The following ZFHX3 variants were observed in gnomAD, a reference collection of about 807,000 sequenced individuals.
The protein encoded by ZFHX3 is zinc finger homeobox 3.
In ZFHX3, 42 loss-of-function variants were observed where a neutral mutation model predicts 279.1. The ratio of observed to expected loss-of-function variants is 0.15; its 90% CI spans 0.12 to 0.19. The LOEUF (loss-of-function observed/expected upper bound fraction) is 0.19. ZFHX3 is among the 10% of genes least tolerant of loss of function. The pLI, the probability that ZFHX3 is intolerant of heterozygous loss-of-function variation, is 1.00. For missense variants in ZFHX3, 4,981 were observed against 4,754.0 expected, an observed-to-expected ratio of 1.05 and a Z score of -1.40; for synonymous variants, 2,293 against 1,957.8, an observed-to-expected ratio of 1.17 and a Z score of -4.52.
At position 73,792,767 on chromosome 16, in the gene ZFHX3, C is replaced by A. The variant is rs539312236; in HGVS notation, c.-1608+98884G>T. Among the ~76,000 whole-genome samples, 4 of 152,120 alleles carry A rather than the reference C, an allele frequency of 2.6e-5. No individual in the cohort carries two copies. The South Asian group carries it at 8.3e-4, about 32-fold the overall frequency. The stretch of plus-strand genomic sequence containing the variant: ...AAGGCTGGCGGCTCAAGGGTTAATA[C>A]CAACCTTTTTCTTTGAAGGCAGCCT... On this transcript the variant is annotated intron_variant, in intron 1 of 17. Transcript: ENST00000641206.
At chr16:73,735,472 C>G (rs191283) in intron 1 of ZFHX3, among the ~76,000 whole-genome samples, 89 of 151,448 alleles carry the variant, frequency 5.9e-4, no homozygotes, top group African/African-American at 1.8e-3. Context: ...TATGACTACT[C>G]TAGGTATCTC....
At chr16:73,296,700 G>C (rs1165986131) in intron 4 of ZFHX3, among the ~76,000 whole-genome samples, 1 of 152,002 alleles carries the variant, frequency 6.6e-6, no homozygotes, top group Non-Finnish European at 1.5e-5. Context: ...CATGGTTACA[G>C]GTAGATTCTT....
At chr16:73,482,050 T>C (rs1382709327) in intron 2 of ZFHX3, among the ~76,000 whole-genome samples, 1 of 152,142 alleles carries the variant, frequency 6.6e-6, no homozygotes, top group Non-Finnish European at 1.5e-5. Flanking sequence ...CTGAATATCC[T>C]TTGTAAATAA....
intron 3 of ZFHX3, among the ~76,000 whole-genome samples, chr16:73,406,872 T>C (rs12102451): frequency 0.47 from 70,894 of 152,082 alleles, 20,498 homozygotes; most frequent in African/African-American, 0.8. Context: ...GAGCTTTGGC[T>C]GGGGCTGGTT....
At chr16:73,438,211 G>T (rs1567484191) in intron 3 of ZFHX3, among the ~76,000 whole-genome samples, 1 of 152,178 alleles carries the variant, frequency 6.6e-6, no homozygotes, top group African/African-American at 2.4e-5. Context: ...TAGCTCCAGA[G>T]AATTTCAGCT....
At chr16:72,978,191 T>C (rs1962435721) in intron 1 of ZFHX3, among the ~76,000 whole-genome samples, 1 of 152,190 alleles carries the variant, frequency 6.6e-6, no homozygotes, top group South Asian at 2.1e-4. Context: ...TCTAAGGAAC[T>C]CTTTCCCGAG....
At chr16:73,223,468 A>G (rs1047744691) in intron 5 of ZFHX3, among the ~76,000 whole-genome samples, 1 of 152,162 alleles carries the variant, frequency 6.6e-6, no homozygotes, top group East Asian at 1.9e-4. Flanking sequence ...ATATAAGAAG[A>G]TGCTCCATGT....
chr16:73,674,652 C>T (rs988938622), intron 2 of ZFHX3, among the ~76,000 whole-genome samples: 1 of 152,288 alleles, frequency 6.6e-6, no homozygotes, highest in Middle Eastern at 3.4e-3. Flanking sequence ...CTTTCTCTAC[C>T]TCTTGAATCT....
intron 3 of ZFHX3, among the ~76,000 whole-genome samples, chr16:72,948,320 C>T (rs1379408123): frequency 6.6e-6 from 1 of 152,208 alleles, no homozygotes; most frequent in Non-Finnish European, 1.5e-5. Flanking sequence ...CCACGTTCTA[C>T]CCTGCATCCC....
At chr16:73,000,720 C>T (rs140352940) in intron 1 of ZFHX3, among the ~76,000 whole-genome samples, 2 of 152,188 alleles carry the variant, frequency 1.3e-5, no homozygotes, top group Non-Finnish European at 2.9e-5. Flanking sequence ...CATGCCACAC[C>T]CAGCAGACAC....
chr16:73,037,378 A>C (rs1426947409), intron 1 of ZFHX3, among the ~76,000 whole-genome samples: 1 of 152,210 alleles, frequency 6.6e-6, no homozygotes, highest in Non-Finnish European at 1.5e-5. Context: ...ACTGAGTGAC[A>C]TAAGATCCCA....
intron 1 of ZFHX3, among the ~76,000 whole-genome samples, chr16:72,963,121 G>A (rs927821226): frequency 2.0e-4 from 31 of 152,274 alleles, no homozygotes; most frequent in Admixed American, 4.6e-4. Flanking sequence ...AGTTACAGAG[G>A]GCAGCCTGGG....
intron 8 of ZFHX3, among the ~76,000 whole-genome samples, chr16:72,799,192 C>A (rs577658749): frequency 6.6e-6 from 1 of 152,320 alleles, no homozygotes; most frequent in South Asian, 2.1e-4. Context: ...ACAAGAACTG[C>A]TGAACATCGT....
At chr16:73,590,016 G>A (rs2051977813) in intron 2 of ZFHX3, among the ~76,000 whole-genome samples, 1 of 152,102 alleles carries the variant, frequency 6.6e-6, no homozygotes, top group Admixed American at 6.6e-5. Flanking sequence ...TGTATTGGTG[G>A]TGGTAGTGTT....
chr16:72,845,623 C>T (rs1040595776), intron 4 of ZFHX3, among the ~76,000 whole-genome samples: 6 of 152,176 alleles, frequency 3.9e-5, no homozygotes, highest in African/African-American at 1.4e-4. Flanking sequence ...TTCTTTGCCC[C>T]AATCCCAAAT....
At chr16:73,533,536 A>G (rs189412315) in intron 2 of ZFHX3, among the ~76,000 whole-genome samples, 2 of 151,938 alleles carry the variant, frequency 1.3e-5, no homozygotes, top group East Asian at 1.9e-4. Flanking sequence ...TTTAAATACC[A>G]TCTATGTCCC....
At chr16:73,384,871 T>A (rs1390833142) in intron 3 of ZFHX3, among the ~76,000 whole-genome samples, 1 of 152,190 alleles carries the variant, frequency 6.6e-6, no homozygotes, top group Non-Finnish European at 1.5e-5. Context: ...CAGGGCTGAC[T>A]CCAGGCTCAG....
chr16:73,066,018 C>G (rs1008149844), intron 8 of ZFHX3, among the ~76,000 whole-genome samples: 1 of 152,174 alleles, frequency 6.6e-6, no homozygotes, highest in Non-Finnish European at 1.5e-5. Context: ...GGCAGGAGTC[C>G]GGCGCACACT....
At chr16:73,259,151 G>C (rs544977098) in intron 4 of ZFHX3, among the ~76,000 whole-genome samples, 1 of 152,330 alleles carries the variant, frequency 6.6e-6, no homozygotes, top group African/African-American at 2.4e-5. Context: ...GAACATGACT[G>C]TGTATGTGTG....
Sources: allele counts gnomAD v4.1 joint callset (sites outside exome capture counted in the v4.1 genomes callset), GRCh38; gene constraint gnomAD v4.1.1; transcripts MANE v1.5; gene names NCBI Gene and HGNC (gene_info 2026-07-23, HGNC 2026-07-21).